The following SIRT1 variants were observed in gnomAD, a reference collection of about 807,000 sequenced individuals.
The protein encoded by SIRT1 is NAD-dependent protein deacetylase sirtuin-1.
A neutral mutation model predicts 67.9 loss-of-function variants in SIRT1; 24 were observed. The observed-to-expected ratio is 0.35, with a 90% confidence interval of 0.26 to 0.50. The LOEUF (loss-of-function observed/expected upper bound fraction) is 0.50. Among genes scored for constraint, SIRT1 ranks in the 20% least tolerant of loss-of-function variants. The pLI, the probability that SIRT1 is intolerant of heterozygous loss-of-function variation, is 0.98. For synonymous variants in SIRT1, 378 were observed against 350.7 expected (o/e 1.08, Z -0.87); for missense variants, 873 against 937.2 (o/e 0.93, Z 0.89).
chr10:67,912,482 C>G lies in SIRT1; in HGVS notation c.1366C>G (p.Pro456Ala), dbSNP rs201348222. 4 of 1,606,622 alleles carry G rather than the reference C, an allele frequency of 2.5e-6. 1 individual carries two copies. Among genetic ancestry groups the G allele is most frequent in the Non-Finnish European group, 2.5e-6 (3 of 1,177,516 alleles). ...RPVALIPSSI[P>A]HEVPQILINR... is the part of the protein sequence containing the mutation. Reference sequence around the variant, plus strand: ...TTTTCACCCTATTTTAGGTTCCATACCCCATGAAGTGCCTCAGATATTAAT... The same window carrying G: ...TTTTCACCCTATTTTAGGTTCCATAGCCCATGAAGTGCCTCAGATATTAAT... Residue 456 changes from proline (P) to alanine (A), a missense_variant, in exon 8 of 9, where the codon CCC (proline) becomes GCC (alanine). Physicochemically the swap from Pro to Ala is conservative, Grantham distance 27. Transcript: ENST00000212015.
chr10:67,891,520 G>A lies in SIRT1; in HGVS notation c.908G>A (p.Arg303Lys). 6.2e-7 allele frequency: 1 copy of A among 1,614,126 alleles called. No homozygotes were observed. The highest frequency in any genetic ancestry group is 8.5e-7 in the Non-Finnish European group (1 of 1,180,026). Residue 303 changes from arginine to lysine, a missense_variant, in exon 4 of 9, where the codon AGA becomes AAA. Arg to Lys is a conservative substitution (Grantham distance 26). This residue lies in a region of SIRT1 where 251 missense variants were observed against 358.8 expected (regional missense o/e 0.70). Transcript: ENST00000212015. Reference protein sequence around the residue: ...PQAMFDIEYFRKDPRPFFKFA... With the variant: ...PQAMFDIEYFKKDPRPFFKFA... ...GCGATGTTTGATATTGAATATTTCAGAAAAGATCCAAGACCATTCTTCAAG... is the reference window on the plus strand; with the variant it reads ...GCGATGTTTGATATTGAATATTTCAAAAAAGATCCAAGACCATTCTTCAAG...
chr10:67,899,227 G>A (rs973790627), intron 4 of SIRT1, among the ~76,000 whole-genome samples: 1 of 151,530 alleles, frequency 6.6e-6, no homozygotes, highest in African/African-American at 2.4e-5. Context: ...GGATTTAGCT[G>A]ATTTGGCTGA....
intron 4 of SIRT1, among the ~76,000 whole-genome samples, chr10:67,901,959 A>C (rs1842751343): frequency 6.6e-6 from 1 of 151,738 alleles, no homozygotes; most frequent in Non-Finnish European, 1.5e-5. Context: ...ATGTACTCTT[A>C]ATAATTTTCA....
At chr10:67,895,867 G>C (rs1842650163) in intron 4 of SIRT1, among the ~76,000 whole-genome samples, 1 of 148,088 alleles carries the variant, frequency 6.8e-6, no homozygotes, top group African/African-American at 2.5e-5. Flanking sequence ...TCAGTCTACT[G>C]AGTAGCTGGG....
At chr10:67,914,111 G>A (rs929016353) in intron 8 of SIRT1, among the ~76,000 whole-genome samples, 8 of 119,332 alleles carry the variant, frequency 6.7e-5, no homozygotes, top group Admixed American at 1.2e-4. Flanking sequence ...TCACTCTGTC[G>A]CCCAGGCTGG....
intron 8 of SIRT1, among the ~76,000 whole-genome samples, chr10:67,915,416 T>C (rs1235560934): frequency 6.6e-6 from 1 of 152,232 alleles, no homozygotes; most frequent in African/African-American, 2.4e-5. Context: ...CAAGCTAGGA[T>C]TGATTTGGTG....
intron 4 of SIRT1, among the ~76,000 whole-genome samples, chr10:67,892,440 G>A (rs991496478): frequency 6.6e-6 from 1 of 151,964 alleles, no homozygotes; most frequent in African/African-American, 2.4e-5. Context: ...GAGCATGGTG[G>A]TGTGCACCTG....
At position 67,893,898 on chromosome 10, in the gene SIRT1, A is replaced by T. The variant is rs1842613238; in HGVS notation, c.942+2344A>T. Among the ~76,000 whole-genome samples, 3 of 152,318 alleles carry T rather than the reference A, an allele frequency of 2.0e-5. No individual in the cohort carries two copies. The South Asian group carries it at 6.2e-4, about 32-fold the overall frequency. On this transcript the variant is annotated intron_variant, in intron 4 of 8. Transcript: ENST00000212015. ...CAGTGGCCTTATCTACTTTCAGACC[A>T]TGTGGTATATTTACATGACTACAGG...
intron 4 of SIRT1, among the ~76,000 whole-genome samples, chr10:67,897,493 T>C (rs1842676541): frequency 1.3e-5 from 2 of 152,022 alleles, no homozygotes; most frequent in Non-Finnish European, 2.9e-5. Flanking sequence ...GCCTGCTGAG[T>C]AGCTGGGATT....
chr10:67,904,131 T>G (rs12767002), intron 4 of SIRT1, among the ~76,000 whole-genome samples: 75,185 of 143,232 alleles, frequency 0.52, 21,143 homozygotes, highest in Non-Finnish European at 0.65. Flanking sequence ...TTGTTTGTTT[T>G]TTTTTTTTTT....
intron 4 of SIRT1, among the ~76,000 whole-genome samples, chr10:67,897,581 C>G (rs1842677523): frequency 6.6e-6 from 1 of 152,050 alleles, no homozygotes; most frequent in South Asian, 2.1e-4. Context: ...CCAGGCTGGT[C>G]TCGAACTCTT....
intron 4 of SIRT1, among the ~76,000 whole-genome samples, chr10:67,896,245 G>A (rs917889880): frequency 3.3e-5 from 5 of 152,154 alleles, no homozygotes; most frequent in African/African-American, 4.8e-5. Context: ...GGAGGCTCCT[G>A]CCTGAGCCTC....
rs1842454688 is a variant in SIRT1 at position 67,885,129 on chromosome 10, G to A, written c.408G>A (p.Ala136=). The change falls in exon 1 of 9, where the codon GCG becomes GCA. Residue 136 remains alanine (A), a synonymous_variant. Transcript: ENST00000212015. ...AGGGCGAGGAGGAGGAAGAGGCGGCGGCGGCGGCGATTGGGTACCGAGGTG... is the reference window on the plus strand; with the variant it reads ...AGGGCGAGGAGGAGGAAGAGGCGGCAGCGGCGGCGATTGGGTACCGAGGTG... The part of the protein sequence containing the change: ...DDEGEEEEEA[A]AAAIGYRDNL... 7.0e-7 allele frequency: 1 copy of A among 1,435,398 alleles called. No individual in the cohort carries two copies. The highest frequency in any genetic ancestry group is 9.2e-7 in the Non-Finnish European group (1 of 1,089,436). The allele number at this position is 1,435,398 out of a possible 1,614,324, so 88.9% of individuals were successfully genotyped here. A position where few individuals can be genotyped will look rare whatever the true frequency, so the allele number is the denominator to read the frequency against.
At chr10:67,910,414 ACTT>A (rs1376099108) in intron 7 of SIRT1, among the ~76,000 whole-genome samples, 1 of 152,146 alleles carries the variant, frequency 6.6e-6, no homozygotes, top group Non-Finnish European at 1.5e-5. Flanking sequence ...GCTAAACTCT[ACTT>A]CTAATTTATG....
Position 67,887,532 on chromosome 10 carries a change from A to G in SIRT1, c.546A>G (p.Ile182Met), listed in dbSNP as rs1174240434. The G allele has an allele frequency of 8.2e-6, 13 of 1,584,708 alleles. No individual in the cohort carries two copies. The highest frequency in any genetic ancestry group is 1.0e-5 in the Non-Finnish European group (12 of 1,153,602). Residue 182 changes from isoleucine to methionine, a missense_variant and splice_region_variant, in exon 2 of 9, where the codon ATA (isoleucine) becomes ATG (methionine). Ile to Met is a conservative substitution (Grantham distance 10). Transcript: ENST00000212015. ...GTGACTGGACTCCAAGGCCACGGATAGGTATGGCTCAGAGCTGTTAATTTT... is the reference window on the plus strand; with the variant it reads ...GTGACTGGACTCCAAGGCCACGGATGGGTATGGCTCAGAGCTGTTAATTTT... ...SSSDWTPRPR[I>M]GPYTFVQQHL...
At chr10:67,914,428 AT>A (rs1842948335) in intron 8 of SIRT1, among the ~76,000 whole-genome samples, 1 of 152,150 alleles carries the variant, frequency 6.6e-6, no homozygotes, top group South Asian at 2.1e-4. Context: ...GGAGCAAAAT[AT>A]TTAACAATAA....
At chr10:67,890,361 G>T (rs907521101) in intron 3 of SIRT1, among the ~76,000 whole-genome samples, 4 of 151,686 alleles carry the variant, frequency 2.6e-5, no homozygotes, top group Non-Finnish European at 5.9e-5. Flanking sequence ...GCTATACATT[G>T]TTTTTTTTAA....
chr10:67,899,976 C>T (rs746496264), intron 4 of SIRT1, among the ~76,000 whole-genome samples: 17 of 151,758 alleles, frequency 1.1e-4, no homozygotes, highest in Non-Finnish European at 2.2e-4. Flanking sequence ...CCCAGCTGTT[C>T]GGAAGGCTGA....
chr10:67,908,245 T>C lies in SIRT1; in HGVS notation c.1170+120T>C, dbSNP rs894776522. The C allele has an allele frequency of 3.8e-6, 3 of 795,590 alleles. No individual in the cohort carries two copies. The African/African-American group carries it at 5.3e-5, about 14-fold the overall frequency. The allele number at this position is 795,590 out of a possible 1,614,324, so 49.3% of individuals were successfully genotyped here. On this transcript the variant is annotated intron_variant, in intron 6 of 8. Transcript: ENST00000212015. ...GGTACAGAAAGATTCAGGAAGAAAATAGTTAGCATTTGGGAATTTTGGTAA... is the reference window on the plus strand; with the variant it reads ...GGTACAGAAAGATTCAGGAAGAAAACAGTTAGCATTTGGGAATTTTGGTAA...
Sources: gnomAD v4.1 joint callset for allele counts (sites outside exome capture counted in the v4.1 genomes callset) on GRCh38, gnomAD v4.1.1 for gene constraint, gnomAD v4.1.1 regional missense constraint, MANE v1.5 for transcripts, NCBI Gene and HGNC (gene_info 2026-07-23, HGNC 2026-07-21) for gene names.